Variants in RAP1GAP2 observed in about 807,000 individuals in gnomAD.
RAP1GAP2 encodes RAP1 GTPase activating protein 2.
RAP1GAP2 carries 27 observed loss-of-function variants against 95.0 expected under a neutral mutation model. That is an observed-to-expected ratio of 0.28 (90% confidence interval 0.21 to 0.39). The LOEUF is 0.39. RAP1GAP2 is among the 10% of genes least tolerant of loss of function. The pLI is 1.00. For synonymous variants in RAP1GAP2, 373 were observed against 380.9 expected, an observed-to-expected ratio of 0.98 and a Z score of 0.24; for missense variants, 771 against 970.0, an observed-to-expected ratio of 0.79 and a Z score of 2.72.
At chr17:2,942,032 A>T (rs2043518861) in intron 3 of RAP1GAP2, among the ~76,000 whole-genome samples, 1 of 152,108 alleles carries the variant, frequency 6.6e-6, no homozygotes, top group African/African-American at 2.4e-5. Context: ...TTTGAGGGAA[A>T]GAATGAATGA....
chr17:2,897,854 C>G (rs920299417), intron 2 of RAP1GAP2, among the ~76,000 whole-genome samples: 3 of 151,970 alleles, frequency 2.0e-5, no homozygotes, highest in African/African-American at 2.4e-5. Flanking sequence ...GGCTGCTGCT[C>G]TCTGCATCCG....
chr17:2,925,029 T>A (rs1361743101), intron 3 of RAP1GAP2, among the ~76,000 whole-genome samples: 4 of 152,214 alleles, frequency 2.6e-5, no homozygotes, highest in Admixed American at 2.0e-4. Flanking sequence ...AGATGTGGTT[T>A]GGGACTGTAT....
At chr17:2,828,325 T>A (rs2070674559) in intron 2 of RAP1GAP2, among the ~76,000 whole-genome samples, 1 of 144,050 alleles carries the variant, frequency 6.9e-6, no homozygotes, top group South Asian at 2.3e-4. Flanking sequence ...TGGGCGACAG[T>A]GAGACTCCAT....
chr17:3,033,374 T>G lies in RAP1GAP2; in HGVS notation c.*31-18T>G, dbSNP rs1040269101. 5 of 152,900 alleles carry G rather than the reference T, an allele frequency of 3.3e-5. No homozygotes were observed. The highest frequency in any genetic ancestry group is 7.2e-5 in the African/African-American group (3 of 41,414). 9.5% of individuals were successfully genotyped at this position (152,900 alleles called of 1,614,324 possible). A position where few individuals can be genotyped will look rare whatever the true frequency, so the allele number is the denominator to read the frequency against. On this transcript the variant is annotated intron_variant, in intron 24 of 24. Transcript: ENST00000254695. The surrounding 1 kb of genome is among the most constrained non-coding windows in gnomAD (Gnocchi z 4.9). ...TACGGAATGTTCGCTCATCGCCGCC[T>G]CCTCCTTGTCTCCTCAGGGAATCCC...
In RAP1GAP2 at chr17:2,904,530, CTGTGTGTG is replaced by C. The variant is rs5818880; in HGVS notation, c.81-722_81-715del. 8.1e-4 allele frequency among the ~76,000 whole-genome samples: 105 copies of C among 129,158 alleles called. 1 individual carries two copies. The highest frequency in any genetic ancestry group is 1.1e-3 in the African/African-American group (39 of 35,124). 84.7% of individuals were successfully genotyped at this position (129,158 alleles called of 152,430 possible). ...CCGAGGACAGCTTTTTGACCAGGGC[CTGTGTGTG>C]TGTGTGTGTGTGTGTGTGTGTGTGT... On this transcript the variant is annotated intron_variant, in intron 2 of 24. Coordinates refer to ENST00000254695, the MANE Select transcript of RAP1GAP2 (RefSeq NM_015085.5). The surrounding 1 kb of genome is among the most constrained non-coding windows in gnomAD (Gnocchi z 4.7).
intron 8 of RAP1GAP2, among the ~76,000 whole-genome samples, chr17:2,976,208 T>G (rs2045110810): frequency 1.3e-5 from 2 of 152,216 alleles, no homozygotes; most frequent in South Asian, 2.1e-4. Context: ...TATGGAAGAC[T>G]TGAAAGATAC....
In RAP1GAP2 at chr17:2,857,516, A is replaced by G. The variant is rs1036592276; in HGVS notation, c.81-47768A>G. On this transcript the variant is annotated intron_variant, in intron 2 of 24. Transcript: ENST00000254695. The surrounding 1 kb of genome is among the most constrained non-coding windows in gnomAD (Gnocchi z 4.0). ...ATCATGTTGGACTTGACCGTGCTCT[A>G]CGGGAGCTGTGGGGCAGCCTGGAGG... Among the ~76,000 whole-genome samples the G allele has an allele frequency of 1.3e-5, 2 of 152,154 alleles. No homozygotes were observed. Among genetic ancestry groups the G allele is most frequent in the South Asian group, 2.1e-4 (1 of 4,834 alleles).
chr17:2,758,804 A>G (rs1428874371), intron 1 of RAP1GAP2, among the ~76,000 whole-genome samples: 1 of 152,106 alleles, frequency 6.6e-6, no homozygotes, highest in Non-Finnish European at 1.5e-5. Flanking sequence ...TGAACTGAAA[A>G]AACTCTAGGA....
At chr17:2,980,394 G>C (rs781614983) in intron 9 of RAP1GAP2, 29 bp downstream of exon 9, 1 of 1,601,850 alleles carries the variant, frequency 6.2e-7, no homozygotes, top group Admixed American at 1.7e-5. Flanking sequence ...AGAGATGGTG[G>C]CTTCCTCTCT....
intron 2 of RAP1GAP2, among the ~76,000 whole-genome samples, chr17:2,851,125 G>C (rs543987783): frequency 7.9e-5 from 12 of 152,050 alleles, no homozygotes; most frequent in Non-Finnish European, 1.2e-4. Flanking sequence ...AAACAGCAGA[G>C]CAGCATGACA....
At position 2,789,781 on chromosome 17, in the gene RAP1GAP2, G is replaced by GAAA. The variant is rs35791780; in HGVS notation, c.-13-10715_-13-10713dup. ...TGGGCGACAGAGTGAGACTCCATCT[G>GAAA]AAAAAAAAAAAAAAAAAAAAAGTAA... On this transcript the variant is annotated intron_variant, in intron 1 of 24. Coordinates refer to the RAP1GAP2 transcript ENST00000540393. Among the ~76,000 whole-genome samples, 128 of 71,718 alleles carry GAAA rather than the reference G, an allele frequency of 1.8e-3. 2 individuals are homozygous for GAAA. Among genetic ancestry groups the GAAA allele is most frequent in the South Asian group, 3.8e-3 (7 of 1,828 alleles). 47.0% of individuals were successfully genotyped at this position (71,718 alleles called of 152,430 possible). A position where few individuals can be genotyped will look rare whatever the true frequency, so the allele number is the denominator to read the frequency against.
chr17:2,771,493 TTTTTTG>T (rs2068395283), intron 2 of RAP1GAP2, among the ~76,000 whole-genome samples: 1 of 148,240 alleles, frequency 6.7e-6, no homozygotes, highest in African/African-American at 2.5e-5. Context: ...TTTGTTTTTT[TTTTTTG>T]TTTTTTTTTT....
At chr17:2,990,840 T>A (rs2045726147) in intron 11 of RAP1GAP2, among the ~76,000 whole-genome samples, 1 of 145,634 alleles carries the variant, frequency 6.9e-6, no homozygotes, top group South Asian at 2.3e-4. Context: ...TCAGAGTTCT[T>A]TATTCTTTTT....
intron 2 of RAP1GAP2, among the ~76,000 whole-genome samples, chr17:2,869,872 T>C (rs1413145183): frequency 6.6e-6 from 1 of 152,060 alleles, no homozygotes; most frequent in Admixed American, 6.6e-5. Context: ...AGCGGGGACG[T>C]ATAGGGGGTC....
chr17:2,990,649 TG>T (rs2045719899), intron 11 of RAP1GAP2, among the ~76,000 whole-genome samples: 1 of 152,212 alleles, frequency 6.6e-6, no homozygotes, highest in Non-Finnish European at 1.5e-5. Flanking sequence ...GAGGAACTGC[TG>T]GACTGTTTTC....
intron 10 of RAP1GAP2, 135 bp downstream of exon 10, chr17:2,981,383 C>G: frequency 2.5e-6 from 2 of 787,720 alleles, no homozygotes; most frequent in Non-Finnish European, 4.1e-6. Context: ...ATGTCTCCCT[C>G]TCTCCCTGCC....
At chr17:2,930,406 A>G (rs1361211126) in intron 3 of RAP1GAP2, among the ~76,000 whole-genome samples, 1 of 152,240 alleles carries the variant, frequency 6.6e-6, no homozygotes, top group Non-Finnish European at 1.5e-5. Flanking sequence ...TGCCAGCCTC[A>G]GTGCTCAGGT....
chr17:2,929,392 C>T (rs1012163017), intron 3 of RAP1GAP2, among the ~76,000 whole-genome samples: 3 of 152,120 alleles, frequency 2.0e-5, no homozygotes, highest in African/African-American at 7.2e-5. Flanking sequence ...CTGGCCCCGC[C>T]AGGTGACTGT....
intron 2 of RAP1GAP2, among the ~76,000 whole-genome samples, chr17:2,803,638 G>A (rs4491567): frequency 0.2 from 30,548 of 152,232 alleles, 3,196 homozygotes; most frequent in South Asian, 0.32. Context: ...CAGCACTTTC[G>A]GAGGTCGAGG....
Sources: gnomAD v4.1 joint callset for allele counts (sites outside exome capture counted in the v4.1 genomes callset) on GRCh38, gnomAD v4.1.1 for gene constraint, Gnocchi (gnomAD v3.1) non-coding constraint, MANE v1.5 for transcripts, NCBI Gene and HGNC (gene_info 2026-07-23, HGNC 2026-07-21) for gene names.